Variants in AQP7 observed in about 807,000 individuals in gnomAD.
AQP7 encodes aquaporin-7.
A neutral mutation model predicts 26.1 loss-of-function variants in AQP7; 22 were observed. That is an observed-to-expected ratio of 0.84 (90% CI 0.60 to 1.20). AQP7 has a LOEUF of 1.20. Among genes scored for constraint, AQP7 ranks in the 50% most tolerant of loss-of-function variants. AQP7 has a pLI of 0.00. For synonymous variants in AQP7, 167 were observed against 181.7 expected, an observed-to-expected ratio of 0.92 and a Z score of 0.65; for missense variants, 412 against 457.5, an observed-to-expected ratio of 0.90 and a Z score of 0.91.
At chr9:33,395,258 C>G (rs1238655822) in intron 2 of AQP7, 63 bp from the exon 3 acceptor site, 7 of 1,391,168 alleles carry the variant, frequency 5.0e-6, no homozygotes. Context: ...TGCCCATCGG[C>G]TCTTCAACTC....
Position 33,385,000 on chromosome 9 carries a change from T to C in AQP7, c.*5A>G. On this transcript the variant is annotated 3_prime_UTR_variant, in exon 8 of 8. Transcript: ENST00000297988. ...GGAATGGATGGGATCACAAATAATCTCTGCTTAGAAGTGCTCTAGGGCCAT... is the reference window on the plus strand; with the variant it reads ...GGAATGGATGGGATCACAAATAATCCCTGCTTAGAAGTGCTCTAGGGCCAT... 6.3e-7 allele frequency: 1 copy of C among 1,599,270 alleles called. No individual in the cohort carries two copies. Among genetic ancestry groups the C allele is most frequent in the Non-Finnish European group, 8.5e-7 (1 of 1,171,412 alleles).
At position 33,385,050 on chromosome 9, in the gene AQP7, G is replaced by T. The variant is rs1245079837; in HGVS notation, c.984C>A (p.His328Gln). 5.0e-6 allele frequency: 8 copies of T among 1,611,834 alleles called. No homozygotes were observed. Among genetic ancestry groups the T allele is most frequent in the East Asian group, 4.5e-5 (2 of 44,880 alleles). ...SVSPANRSSV[H>Q]PAPPLHESMA... Reference sequence around the variant, plus strand: ...TGGATTCATGTAAGGGTGGGGCAGGGTGGACTGAAGATCTGTTGGCAGGGC... The same window carrying T: ...TGGATTCATGTAAGGGTGGGGCAGGTTGGACTGAAGATCTGTTGGCAGGGC... The change falls in exon 8 of 8, where the codon CAC becomes CAA. Residue 328 changes from histidine (H) to glutamine (Q), a missense_variant. By Grantham distance (24) the His-to-Gln change is conservative. Transcript: ENST00000297988.
chr9:33,400,731 G>A (rs533047995), intron 2 of AQP7, among the ~76,000 whole-genome samples: 6 of 152,188 alleles, frequency 3.9e-5, no homozygotes, highest in African/African-American at 1.4e-4. Flanking sequence ...CTTGAACCCG[G>A]GAGGAGGAGG....
At chr9:33,394,863 T>G (rs1457594292) in intron 3 of AQP7, among the ~76,000 whole-genome samples, 3 of 152,114 alleles carry the variant, frequency 2.0e-5, no homozygotes, top group African/African-American at 7.2e-5. Flanking sequence ...GATACCCCAG[T>G]GCATGGTTTC....
At chr9:33,397,811 A>G (rs1039560218) in intron 2 of AQP7, among the ~76,000 whole-genome samples, 19 of 152,182 alleles carry the variant, frequency 1.2e-4, no homozygotes, top group Admixed American at 6.5e-5. Flanking sequence ...GCAGAAAGCC[A>G]AGAACACCAA....
rs76705820 is a variant in AQP7 at position 33,386,245 on chromosome 9, C to T, written c.407-50G>A. On this transcript the variant is annotated intron_variant, in intron 5 of 7. Transcript: ENST00000297988. Reference sequence around the variant, plus strand: ...GAACCTGCTCCCAACTAAGCCCCACCGGGGTCCCAGAAATGAGGTTATAGG... The same window carrying T: ...GAACCTGCTCCCAACTAAGCCCCACTGGGGTCCCAGAAATGAGGTTATAGG... 4.6e-4 allele frequency: 740 copies of T among 1,611,162 alleles called. 1 individual carries two copies. Among genetic ancestry groups the T allele is most frequent in the Admixed American group, 1.5e-3 (92 of 59,924 alleles).
At chr9:33,397,513 A>G (rs1282588735) in intron 2 of AQP7, among the ~76,000 whole-genome samples, 1 of 150,954 alleles carries the variant, frequency 6.6e-6, no homozygotes, top group Non-Finnish European at 1.5e-5. Context: ...CCCTCCATCT[A>G]CTCCTCCCTG....
chr9:33,387,795 G>T (rs546338468), intron 3 of AQP7, among the ~76,000 whole-genome samples: 1 of 152,028 alleles, frequency 6.6e-6, no homozygotes, highest in Middle Eastern at 3.4e-3. Flanking sequence ...AGAGGCCTCC[G>T]TCTCCCCCAT....
intron 3 of AQP7, among the ~76,000 whole-genome samples, chr9:33,391,237 T>G (rs752333314): frequency 3.9e-5 from 6 of 152,220 alleles, no homozygotes; most frequent in Non-Finnish European, 8.8e-5. Context: ...ATAACTTGGT[T>G]TTGAAGAACA....
In AQP7 at chr9:33,396,605, G is replaced by A. The variant is rs531098705; in HGVS notation, c.27-1410C>T. 3.4e-5 allele frequency among the ~76,000 whole-genome samples: 5 copies of A among 148,056 alleles called. No individual in the cohort carries two copies. In the East Asian group the frequency reaches 9.8e-4, roughly 29 times the overall value. On this transcript the variant is annotated intron_variant, in intron 2 of 7. Transcript: ENST00000297988. ...ACATCACGTACTGCCTTAGCTGCAG[G>A]CCTTTGCACATGCCAGTCCTACGCC...
chr9:33,385,628 G>T (rs767167500), intron 7 of AQP7, 21 bp downstream of exon 7: 4 of 1,612,112 alleles, frequency 2.5e-6, no homozygotes, highest in Admixed American at 1.7e-5. Context: ...TCAAAGGAAT[G>T]GGCCTGGGCA....
chr9:33,389,020 C>T (rs1825126759), intron 3 of AQP7, among the ~76,000 whole-genome samples: 1 of 127,056 alleles, frequency 7.9e-6, no homozygotes, highest in African/African-American at 2.9e-5. Flanking sequence ...CGGCACCCAG[C>T]CAATTTTTTT....
chr9:33,388,135 G>A (rs911942033), intron 3 of AQP7, among the ~76,000 whole-genome samples: 20 of 152,188 alleles, frequency 1.3e-4, no homozygotes, highest in East Asian at 1.9e-4. Flanking sequence ...TAAAATTCCC[G>A]TCATCTCCGC....
At chr9:33,387,199 G>T in intron 3 of AQP7, 107 bp from the exon 4 acceptor site, 4 of 1,370,320 alleles carry the variant, frequency 2.9e-6, no homozygotes, top group Non-Finnish European at 4.0e-6. Flanking sequence ...GGGCCTCCCT[G>T]GCATTGCCTC....
intron 2 of AQP7, among the ~76,000 whole-genome samples, chr9:33,396,946 C>T (rs1416106122): frequency 1.3e-5 from 2 of 150,900 alleles, no homozygotes; most frequent in Non-Finnish European, 3.0e-5. Flanking sequence ...AAAAAAAATA[C>T]AAAAATTAGT....
At chr9:33,393,276 T>A (rs192881463) in intron 3 of AQP7, among the ~76,000 whole-genome samples, 10 of 152,276 alleles carry the variant, frequency 6.6e-5, no homozygotes, top group African/African-American at 2.4e-4. Context: ...TTGTGGATAG[T>A]CGCACAGCTA....
chr9:33,388,716 A>G (rs1241880154), intron 3 of AQP7, among the ~76,000 whole-genome samples: 1 of 152,228 alleles, frequency 6.6e-6, no homozygotes. Flanking sequence ...AGCTTAGAGA[A>G]CTTGAATGGC....
intron 5 of AQP7, 91 bp from the exon 6 acceptor site, chr9:33,386,286 T>C (rs73478964): frequency 1.3e-5 from 20 of 1,598,246 alleles, no homozygotes; most frequent in South Asian, 6.7e-5. Context: ...GGGTGGGGGA[T>C]CTCCAAGGCT....
At chr9:33,389,023 ATTTTTT>A (rs34391457) in intron 3 of AQP7, among the ~76,000 whole-genome samples, 130 of 111,064 alleles carry the variant, frequency 1.2e-3, no homozygotes, top group African/African-American at 3.4e-3. Flanking sequence ...CACCCAGCCA[ATTTTTT>A]TTTTTTTTTT....
Sources: allele counts gnomAD v4.1 joint callset (sites outside exome capture counted in the v4.1 genomes callset), GRCh38; gene constraint gnomAD v4.1.1; transcripts MANE v1.5; gene names NCBI Gene and HGNC (gene_info 2026-07-23, HGNC 2026-07-21).